TEK: variants seen among roughly 807,000 people sequenced by gnomAD.
TEK encodes TEK receptor tyrosine kinase.
Under a neutral mutation model 131.8 loss-of-function variants are expected in TEK, and 43 were observed. The ratio of observed to expected loss-of-function variants is 0.33; its 90% CI spans 0.26 to 0.42. The LOEUF is 0.42. Ranked by LOEUF, TEK falls within the 10% of genes least tolerant of loss-of-function variation. TEK has a pLI of 1.00. For missense variants in TEK, 1,162 were observed against 1,384.4 expected (o/e 0.84, Z 2.55); for synonymous variants, 580 against 491.6 (o/e 1.18, Z -2.38).
intron 1 of TEK, among the ~76,000 whole-genome samples, chr9:27,127,240 G>T (rs1822021238): frequency 1.3e-5 from 2 of 152,122 alleles, no homozygotes; most frequent in South Asian, 4.1e-4. Context: ...TTGGTTTTCT[G>T]TTCTTGTGTT....
chr9:27,138,360 T>A (rs986668177), intron 1 of TEK, among the ~76,000 whole-genome samples: 6 of 150,728 alleles, frequency 4.0e-5, no homozygotes, highest in Non-Finnish European at 8.8e-5. Flanking sequence ...TGATTGGTCC[T>A]TTTTACAGAG....
At chr9:27,156,828 T>C (rs1411708748) in intron 1 of TEK, among the ~76,000 whole-genome samples, 1 of 152,196 alleles carries the variant, frequency 6.6e-6, no homozygotes, top group Non-Finnish European at 1.5e-5. Flanking sequence ...ACTCAATTGA[T>C]TTTTCTAGTC....
intron 1 of TEK, among the ~76,000 whole-genome samples, chr9:27,146,720 A>ATTTTTTTTTTTTT (rs34727945): frequency 8.8e-6 from 1 of 113,692 alleles, no homozygotes; most frequent in Non-Finnish European, 1.8e-5. Context: ...TAAACATTCT[A>ATTTTTTTTTTTTT]TTTTTTTTTT....
chr9:27,151,734 CTG>C (rs1823134260), intron 1 of TEK, among the ~76,000 whole-genome samples: 1 of 152,192 alleles, frequency 6.6e-6, no homozygotes, highest in African/African-American at 2.4e-5. Context: ...ATATTCACTG[CTG>C]TGTCTCCAGG....
chr9:27,209,143 C>G lies in TEK; in HGVS notation c.2598C>G (p.His866Gln), dbSNP rs769193766. The G allele has an allele frequency of 6.6e-5, 106 of 1,613,586 alleles. No individual in the cohort carries two copies. The highest frequency in any genetic ancestry group is 2.0e-4 in the Admixed American group (12 of 60,004). The part of the protein sequence containing the change: ...RMKEYASKDD[H>Q]RDFAGELEVL... ...CAGAATATGCCTCCAAAGATGATCA[C>G]AGGGACTTTGCAGGAGAACTGGAAG... The change falls in exon 16 of 23, where the codon CAC becomes CAG. Residue 866 changes from histidine (H) to glutamine (Q), a missense_variant. His to Gln is a conservative substitution (Grantham distance 24). Around this residue, in one of 6 missense-constraint regions of TEK, gnomAD observed 57 missense variants for 100.8 expected, o/e 0.57. Transcript: ENST00000380036.
At chr9:27,218,966 C>T (rs1825934055) in intron 20 of TEK, 149 bp downstream of exon 20, 13 of 818,640 alleles carry the variant, frequency 1.6e-5, no homozygotes, top group Non-Finnish European at 2.3e-5. Flanking sequence ...TGTATTAATT[C>T]CCATATTTTT....
chr9:27,198,489 A>G (rs1383064542), intron 12 of TEK: 2 of 152,214 alleles, frequency 1.3e-5, no homozygotes, highest in Non-Finnish European at 2.9e-5. Context: ...TGCATCAGTG[A>G]CTTATGAAAG....
At chr9:27,122,080 G>C (rs1166605327) in intron 1 of TEK, among the ~76,000 whole-genome samples, 1 of 152,164 alleles carries the variant, frequency 6.6e-6, no homozygotes, top group Non-Finnish European at 1.5e-5. Flanking sequence ...CCCAGCTAAC[G>C]AGCAGGCAAT....
intron 11 of TEK, among the ~76,000 whole-genome samples, chr9:27,197,030 C>A (rs374511560): frequency 8.0e-5 from 11 of 137,570 alleles, no homozygotes; most frequent in African/African-American, 3.0e-4. Flanking sequence ...GGCAATTGAA[C>A]AATGAGAACA....
chr9:27,148,150 C>T (rs998517720), intron 1 of TEK, among the ~76,000 whole-genome samples: 10 of 152,156 alleles, frequency 6.6e-5, no homozygotes, highest in Admixed American at 1.3e-4. Context: ...GTAGATATTG[C>T]GAGCACGTCC....
intron 5 of TEK, 148 bp downstream of exon 5, chr9:27,172,895 G>A (rs1464222700): frequency 2.6e-6 from 3 of 1,141,004 alleles, no homozygotes; most frequent in South Asian, 1.4e-5. Context: ...AGAAAAAGGT[G>A]CCTTTTCCTA....
chr9:27,228,010 G>T (rs928572644), intron 21 of TEK, among the ~76,000 whole-genome samples, 196 bp from the exon 22 acceptor site: 1 of 152,124 alleles, frequency 6.6e-6, no homozygotes, highest in African/African-American at 2.4e-5. Flanking sequence ...CCGAGGGTAG[G>T]AACTAAATCT....
At chr9:27,133,721 G>A (rs1470762508) in intron 1 of TEK, among the ~76,000 whole-genome samples, 1 of 152,168 alleles carries the variant, frequency 6.6e-6, no homozygotes, top group Non-Finnish European at 1.5e-5. Flanking sequence ...GTGAGGGTGA[G>A]ACCCATGCCT....
chr9:27,187,225 A>G (rs1301303180), intron 9 of TEK, among the ~76,000 whole-genome samples: 1 of 152,208 alleles, frequency 6.6e-6, no homozygotes, highest in Non-Finnish European at 1.5e-5. Flanking sequence ...GTCCTAAGTC[A>G]CTGCTGTCTC....
chr9:27,133,812 G>C (rs1228461002), intron 1 of TEK, among the ~76,000 whole-genome samples: 1 of 152,088 alleles, frequency 6.6e-6, no homozygotes, highest in Non-Finnish European at 1.5e-5. Flanking sequence ...GTAACATATT[G>C]TCTTTTACAT....
At position 27,157,975 on chromosome 9, in the gene TEK, A is replaced by G. The variant is rs770461384; in HGVS notation, c.197A>G (p.Asn66Ser). The G allele has an allele frequency of 6.2e-7, 1 of 1,614,024 alleles. No individual in the cohort carries two copies. Among genetic ancestry groups the G allele is most frequent in the Non-Finnish European group, 8.5e-7 (1 of 1,179,998 alleles). The change falls in exon 2 of 23, where the codon AAC becomes AGC. Residue 66 changes from asparagine to serine, a missense_variant. By Grantham distance (46) the Asn-to-Ser change is conservative. Around this residue, in one of 6 missense-constraint regions of TEK, gnomAD observed 436 missense variants for 539.1 expected, o/e 0.81. Coordinates refer to ENST00000380036, the MANE Select transcript of TEK (RefSeq NM_000459.5). ...TIGRDFEALMNQHQDPLEVTQ... is the reference protein window; with the variant it reads ...TIGRDFEALMSQHQDPLEVTQ... ...GGAAGGGACTTTGAAGCCTTAATGA[A>G]CCAGCACCAGGATCCGCTGGAAGTT...
chr9:27,170,768 A>AT (rs1445326841), intron 4 of TEK, among the ~76,000 whole-genome samples: 1 of 152,084 alleles, frequency 6.6e-6, no homozygotes, highest in African/African-American at 2.4e-5. Context: ...TCACTTCCAA[A>AT]TTTTGAATTT....
intron 4 of TEK, among the ~76,000 whole-genome samples, chr9:27,170,918 T>A (rs1291028161): frequency 6.6e-6 from 1 of 152,124 alleles, no homozygotes; most frequent in Non-Finnish European, 1.5e-5. Flanking sequence ...ATCATCCATA[T>A]AAAAAGGGGG....
intron 1 of TEK, among the ~76,000 whole-genome samples, chr9:27,116,221 C>T (rs910504170): frequency 2.0e-5 from 3 of 152,000 alleles, no homozygotes; most frequent in Admixed American, 6.6e-5. Flanking sequence ...ATTCAGTGTG[C>T]TGAATGGAGG....
Sources: gnomAD v4.1 joint callset for allele counts (sites outside exome capture counted in the v4.1 genomes callset) on GRCh38, gnomAD v4.1.1 for gene constraint, gnomAD v4.1.1 regional missense constraint, MANE v1.5 for transcripts, NCBI Gene and HGNC (gene_info 2026-07-23, HGNC 2026-07-21) for gene names.